ECHDC3: variants seen among roughly 807,000 people sequenced by gnomAD.
The protein encoded by ECHDC3 is enoyl-CoA hydratase domain-containing protein 3, mitochondrial.
A neutral mutation model predicts 17.9 loss-of-function variants in ECHDC3; 20 were observed. That is an observed-to-expected ratio of 1.12 (90% CI 0.79 to 1.63). ECHDC3 has a LOEUF of 1.63. Among genes scored for constraint, ECHDC3 ranks in the 40% most tolerant of loss-of-function variants. ECHDC3 has a pLI of 0.00. For missense variants in ECHDC3, 407 were observed against 357.7 expected, an observed-to-expected ratio of 1.14 and a Z score of -1.11; for synonymous variants, 177 against 149.7, an observed-to-expected ratio of 1.18 and a Z score of -1.33.
Position 11,763,625 on chromosome 10 carries a change from C to G in ECHDC3, c.*81C>G. ...TGGCCCAGCCACCACTGCCTCTCAG[C>G]TTCAACAGGTGACAGGCTGCTTTCG... On this transcript the variant is annotated 3_prime_UTR_variant, in exon 5 of 5. Coordinates refer to ENST00000379215, the MANE Select transcript of ECHDC3 (RefSeq NM_024693.5). This position sits in a 1 kb window ranked among gnomAD's most constrained non-coding sequence, Gnocchi z 4.9. 1 of 1,436,292 alleles carries G rather than the reference C, an allele frequency of 7.0e-7. No individual in the cohort carries two copies. Among genetic ancestry groups the G allele is most frequent in the Non-Finnish European group, 9.1e-7 (1 of 1,098,696 alleles). The allele number at this position is 1,436,292 out of a possible 1,614,324, so 89.0% of individuals were successfully genotyped here. A position where few individuals can be genotyped will look rare whatever the true frequency, so the allele number is the denominator to read the frequency against.
chr10:11,742,615 T>C lies in ECHDC3; in HGVS notation c.39T>C (p.Ser13=). 7.8e-7 allele frequency: 1 copy of C among 1,289,956 alleles called. No individual in the cohort carries two copies. Among genetic ancestry groups the C allele is most frequent in the Admixed American group, 3.8e-5 (1 of 26,316 alleles). The allele number at this position is 1,289,956 out of a possible 1,614,324, so 79.9% of individuals were successfully genotyped here. A position where few individuals can be genotyped will look rare whatever the true frequency, so the allele number is the denominator to read the frequency against. The change falls in exon 1 of 5, where the codon AGT becomes AGC. Residue 13 remains serine (S), a synonymous_variant. Coordinates refer to ENST00000379215, the MANE Select transcript of ECHDC3 (RefSeq NM_024693.5). ...AVAVLRAFGA[S]GPMCLRRGPW... The stretch of plus-strand genomic sequence containing the variant: ...CCGTCTTGCGGGCCTTCGGGGCAAG[T>C]GGGCCCATGTGTCTCCGGCGCGGCC...
intron 3 of ECHDC3, among the ~76,000 whole-genome samples, chr10:11,750,178 A>G (rs1832809268): frequency 6.6e-6 from 1 of 152,182 alleles, no homozygotes. Flanking sequence ...GATGGTACTC[A>G]TAGTTGCCAT....
Position 11,763,479 on chromosome 10 carries a change from G to C in ECHDC3, c.847G>C (p.Gly283Arg), listed in dbSNP as rs372509851. 1 of 1,119,122 alleles carries C rather than the reference G, an allele frequency of 8.9e-7. No homozygotes were observed. The highest frequency in any genetic ancestry group is 1.5e-5 in the African/African-American group (1 of 65,764). The allele number at this position is 1,119,122 out of a possible 1,614,324, so 69.3% of individuals were successfully genotyped here. A position where few individuals can be genotyped will look rare whatever the true frequency, so the allele number is the denominator to read the frequency against. ...AMVDNLALRD[G>R]QEGITAFLQK... ...GGTGGACAACCTGGCCCTGCGGGAC[G>C]GGCAGGAGGGCATCACGGCCTTCCT... Residue 283 changes from glycine (G) to arginine (R), a missense_variant, in exon 5 of 5, where the codon GGG becomes CGG. By Grantham distance (125) the Gly-to-Arg change is moderately radical. Transcript: ENST00000379215. This position sits in a 1 kb window ranked among gnomAD's most constrained non-coding sequence, Gnocchi z 4.9.
chr10:11,761,280 C>G (rs1832947556), intron 4 of ECHDC3, among the ~76,000 whole-genome samples: 1 of 152,170 alleles, frequency 6.6e-6, no homozygotes, highest in South Asian at 2.1e-4. Flanking sequence ...ATTGTCACAG[C>G]TTGGTGGGGG....
intron 3 of ECHDC3, among the ~76,000 whole-genome samples, chr10:11,751,154 C>T (rs1272064140): frequency 6.6e-6 from 1 of 152,180 alleles, no homozygotes; most frequent in Non-Finnish European, 1.5e-5. Flanking sequence ...TGAAAAGCAT[C>T]AAAGAGAACC....
rs1044678502 is a variant in ECHDC3 at position 11,754,606 on chromosome 10, C to A, written c.391-802C>A. Among the ~76,000 whole-genome samples the A allele has an allele frequency of 4.6e-5, 7 of 152,104 alleles. No homozygotes were observed. The South Asian group carries it at 1.4e-3, about 31-fold the overall frequency. Reference sequence around the variant, plus strand: ...TATTAAGAAAACTGCCTTCAAGGCCCTTTTCCACCTCAATTTTTCAAGGAA... The same window carrying A: ...TATTAAGAAAACTGCCTTCAAGGCCATTTTCCACCTCAATTTTTCAAGGAA... On this transcript the variant is annotated intron_variant, in intron 3 of 4. Coordinates refer to ENST00000379215, the MANE Select transcript of ECHDC3 (RefSeq NM_024693.5).
At chr10:11,743,243 C>A (rs532209335) in intron 1 of ECHDC3, among the ~76,000 whole-genome samples, 4 of 152,324 alleles carry the variant, frequency 2.6e-5, no homozygotes, top group South Asian at 4.1e-4. Context: ...GGCCCTACCC[C>A]CTCCAGGCCT....
At chr10:11,742,776 G>C in intron 1 of ECHDC3, 30 bp downstream of exon 1, 1 of 1,225,268 alleles carries the variant, frequency 8.2e-7, no homozygotes, top group Non-Finnish European at 1.0e-6. Flanking sequence ...GGCTCCTCGC[G>C]TTGGTGCCGA....
intron 4 of ECHDC3, among the ~76,000 whole-genome samples, chr10:11,758,625 C>T (rs1381579568): frequency 6.6e-6 from 1 of 152,196 alleles, no homozygotes; most frequent in Non-Finnish European, 1.5e-5. Context: ...TTTTAGAGGA[C>T]GCACAGTTCC....
In ECHDC3 at chr10:11,742,437, C is replaced by A. The variant is rs1290359673; in HGVS notation, c.-140C>A. On this transcript the variant is annotated 5_prime_UTR_variant, in exon 1 of 5. Transcript: ENST00000379215. ...CCCCGCGAAGCCTGGGCCTGTCAGG[C>A]GGTTCCGTCCGGGTCTCGGCCACCG... 6 of 825,876 alleles carry A rather than the reference C, an allele frequency of 7.3e-6. No individual in the cohort carries two copies. The highest frequency in any genetic ancestry group is 1.8e-5 in the African/African-American group (1 of 55,796). 51.2% of individuals were successfully genotyped at this position (825,876 alleles called of 1,614,324 possible).
intron 3 of ECHDC3, among the ~76,000 whole-genome samples, chr10:11,752,639 T>G (rs1832839384): frequency 6.6e-6 from 1 of 152,210 alleles, no homozygotes; most frequent in Non-Finnish European, 1.5e-5. Context: ...GTAATATGAT[T>G]ATAGCATTGA....
intron 2 of ECHDC3, 48 bp from the exon 3 acceptor site, chr10:11,749,447 G>A (rs1195302890): frequency 6.3e-7 from 1 of 1,595,130 alleles, no homozygotes; most frequent in African/African-American, 1.3e-5. Context: ...CCCAACTCTG[G>A]GTGTTTACAT....
rs1832880278 is a variant in ECHDC3 at position 11,755,741 on chromosome 10, G to T, written c.591+133G>T. The stretch of plus-strand genomic sequence containing the variant: ...AGGACGTTCTGCCCAGAGTGCCTCT[G>T]GCTAGATGGGCCAGGATGTTCCCTC... On this transcript the variant is annotated intron_variant, in intron 4 of 4. Transcript: ENST00000379215. 9 of 828,512 alleles carry T rather than the reference G, an allele frequency of 1.1e-5. No individual in the cohort carries two copies. The South Asian group carries it at 1.5e-4, about 14-fold the overall frequency. 51.3% of individuals were successfully genotyped at this position (828,512 alleles called of 1,614,324 possible). A position where few individuals can be genotyped will look rare whatever the true frequency, so the allele number is the denominator to read the frequency against.
intron 4 of ECHDC3, among the ~76,000 whole-genome samples, chr10:11,761,197 T>A (rs1467731524): frequency 6.6e-6 from 1 of 152,188 alleles, no homozygotes; most frequent in Non-Finnish European, 1.5e-5. Context: ...CTTAAAAACC[T>A]TCTAGATCCG....
intron 1 of ECHDC3, among the ~76,000 whole-genome samples, chr10:11,744,236 G>A (rs1169288550): frequency 1.3e-5 from 2 of 152,186 alleles, no homozygotes; most frequent in East Asian, 1.9e-4. Context: ...GGGCCACACG[G>A]CCAGTAGGTC....
intron 3 of ECHDC3, among the ~76,000 whole-genome samples, chr10:11,754,303 C>CATTG (rs1832861583): frequency 9.6e-5 from 1 of 10,376 alleles, no homozygotes; most frequent in Admixed American, 1.5e-3. Flanking sequence ...TTGGGGTATT[C>CATTG]CCATCCTCTC....
chr10:11,759,355 T>TA (rs1832918862), intron 4 of ECHDC3, among the ~76,000 whole-genome samples: 1 of 33,966 alleles, frequency 2.9e-5, no homozygotes, highest in Admixed American at 4.2e-4. Flanking sequence ...ACTCCATCTC[T>TA]TAAAAAAAAA....
intron 3 of ECHDC3, 122 bp from the exon 4 acceptor site, chr10:11,755,286 A>T: frequency 2.3e-6 from 2 of 875,382 alleles, no homozygotes; most frequent in Non-Finnish European, 3.4e-6. Flanking sequence ...GGATCTTGCC[A>T]CTGCACTCCA....
intron 2 of ECHDC3, 140 bp from the exon 3 acceptor site, chr10:11,749,355 T>C: frequency 1.4e-6 from 1 of 726,036 alleles, no homozygotes; most frequent in Non-Finnish European, 2.2e-6. Context: ...ACTGGAATTA[T>C]TCTTCTCAAA....
Sources: gnomAD v4.1 joint callset for allele counts (sites outside exome capture counted in the v4.1 genomes callset) on GRCh38, gnomAD v4.1.1 for gene constraint, Gnocchi (gnomAD v3.1) non-coding constraint, MANE v1.5 for transcripts, NCBI Gene and HGNC (gene_info 2026-07-23, HGNC 2026-07-21) for gene names.